DTNA: variants seen among roughly 807,000 people sequenced by gnomAD.
DTNA encodes dystrophin-related protein 3.
A neutral mutation model predicts 100.7 loss-of-function variants in DTNA; 43 were observed. The observed-to-expected ratio is 0.43, with a 90% confidence interval of 0.33 to 0.55. DTNA has a LOEUF of 0.55. Ranked by LOEUF, DTNA falls within the 20% of genes least tolerant of loss-of-function variation. The probability of loss-of-function intolerance (pLI) is 0.04; values close to 1 mark genes in which losing one functional copy is unlikely to be tolerated. For missense variants in DTNA, 798 were observed against 953.9 expected (o/e 0.84, Z 2.15); for synonymous variants, 349 against 347.9 (o/e 1.00, Z -0.04).
rs199662388 is a variant in DTNA at position 34,723,415 on chromosome 18, C to CA, written c.-2+12977dup. On this transcript the variant is annotated intron_variant, in intron 1 of 22. Coordinates refer to ENST00000444659, the MANE Select transcript of DTNA (RefSeq NM_001386795.1). ...TATTATACATAGACGGTATATTTGT[C>CA]AAAAAAAGTTTAATATCCAATCGTA... 7.8e-3 allele frequency among the ~76,000 whole-genome samples: 1,182 copies of CA among 151,780 alleles called. 8 individuals carry two copies. Among genetic ancestry groups the CA allele is most frequent in the African/African-American group, 0.027 (1,106 of 41,398 alleles).
intron 1 of DTNA, among the ~76,000 whole-genome samples, chr18:34,635,271 G>A (rs1385853354): frequency 6.6e-6 from 1 of 152,142 alleles, no homozygotes; most frequent in Non-Finnish European, 1.5e-5. Context: ...ATCTGTGGAT[G>A]TGCACTTAGG....
intron 1 of DTNA, among the ~76,000 whole-genome samples, chr18:34,732,024 C>T (rs2088366560): frequency 1.3e-5 from 2 of 152,160 alleles, no homozygotes; most frequent in Admixed American, 1.3e-4. Context: ...ACTCTCACCA[C>T]CAAATCAGTC....
chr18:34,811,932 TA>T (rs1362094048), intron 5 of DTNA, 26 bp from the exon 6 acceptor site: 8 of 1,613,344 alleles, frequency 5.0e-6, no homozygotes, highest in Admixed American at 1.7e-5. Context: ...ATGTGATGAA[TA>T]ATATCTTTCC....
At chr18:34,859,699 C>G (rs2096594590) in intron 16 of DTNA, among the ~76,000 whole-genome samples, 1 of 151,748 alleles carries the variant, frequency 6.6e-6, no homozygotes, top group Non-Finnish European at 1.5e-5. Flanking sequence ...GAAGTCAGTA[C>G]AAATCGTCCT....
At chr18:34,692,400 A>C (rs1195331688) in intron 1 of DTNA, among the ~76,000 whole-genome samples, 1 of 152,172 alleles carries the variant, frequency 6.6e-6, no homozygotes, top group Non-Finnish European at 1.5e-5. Context: ...GAGAAAAAAA[A>C]CTAGGGTTCC....
At chr18:34,636,398 A>C (rs774496020) in intron 1 of DTNA, among the ~76,000 whole-genome samples, 7 of 152,198 alleles carry the variant, frequency 4.6e-5, no homozygotes, top group African/African-American at 9.7e-5. Flanking sequence ...TACAGGCATA[A>C]ACTGTAATCC....
chr18:34,693,746 C>CTGTG (rs34072179), intron 1 of DTNA, among the ~76,000 whole-genome samples: 2,916 of 143,154 alleles, frequency 0.02, 38 homozygotes, highest in African/African-American at 0.036. Context: ...CTTGTGTGCA[C>CTGTG]TGTGTGTGTG....
At chr18:34,704,060 C>T (rs2081779418) in intron 1 of DTNA, among the ~76,000 whole-genome samples, 1 of 152,122 alleles carries the variant, frequency 6.6e-6, no homozygotes, top group South Asian at 2.1e-4. Flanking sequence ...TTCTAACTTG[C>T]TTTATTTTCT....
intron 10 of DTNA, 25 bp downstream of exon 10, chr18:34,827,701 T>C (rs966038348): frequency 1.2e-6 from 2 of 1,606,642 alleles, no homozygotes; most frequent in Non-Finnish European, 1.7e-6. Flanking sequence ...TATTATAAAA[T>C]AAGCCCTTTC....
At chr18:34,608,507 C>T (rs1019079816) in intron 1 of DTNA, among the ~76,000 whole-genome samples, 2 of 142,188 alleles carry the variant, frequency 1.4e-5, no homozygotes, top group African/African-American at 2.8e-5. Context: ...CAAAAGTATT[C>T]GTTAGGTTTT....
At chr18:34,582,830 G>C (rs1246088151) in intron 1 of DTNA, among the ~76,000 whole-genome samples, 1 of 152,164 alleles carries the variant, frequency 6.6e-6, no homozygotes, top group Non-Finnish European at 1.5e-5. Flanking sequence ...AAACTAGTAT[G>C]TAAAATGATT....
At chr18:34,624,083 G>C (rs564826265) in intron 1 of DTNA, among the ~76,000 whole-genome samples, 1 of 152,080 alleles carries the variant, frequency 6.6e-6, no homozygotes. Context: ...GACTGTCCAA[G>C]TCTATGAAAA....
chr18:34,621,714 TAGAA>T (rs1398088815), intron 1 of DTNA, among the ~76,000 whole-genome samples: 1 of 152,102 alleles, frequency 6.6e-6, no homozygotes, highest in African/African-American at 2.4e-5. Context: ...ACATTTCACT[TAGAA>T]AGGAGGAATA....
intron 14 of DTNA, among the ~76,000 whole-genome samples, chr18:34,849,231 A>G (rs565242112): frequency 6.6e-6 from 1 of 152,356 alleles, no homozygotes; most frequent in African/African-American, 2.4e-5. Context: ...CAAACATGTT[A>G]AAGAAAATTA....
At chr18:34,500,458 T>C (rs1355731645) in intron 1 of DTNA, among the ~76,000 whole-genome samples, 3 of 150,312 alleles carry the variant, frequency 2.0e-5, no homozygotes, top group Non-Finnish European at 4.4e-5. Context: ...TGTATATAGT[T>C]GTTGTTGTTT....
chr18:34,681,730 A>AC (rs1270842993), intron 1 of DTNA, among the ~76,000 whole-genome samples: 1 of 143,292 alleles, frequency 7.0e-6, no homozygotes, highest in African/African-American at 2.7e-5. Flanking sequence ...ACACACACAC[A>AC]CCCCACACAC....
At chr18:34,532,686 C>T (rs1021812824) in intron 1 of DTNA, among the ~76,000 whole-genome samples, 23 of 152,116 alleles carry the variant, frequency 1.5e-4, no homozygotes, top group African/African-American at 5.5e-4. Flanking sequence ...AAATCACCAG[C>T]TCACTTGGCT....
intron 6 of DTNA, among the ~76,000 whole-genome samples, chr18:34,813,068 G>A (rs999865802): frequency 6.6e-6 from 1 of 152,188 alleles, no homozygotes; most frequent in East Asian, 1.9e-4. Context: ...CTCTGGTCAT[G>A]TAGAGAGACT....
chr18:34,858,532 G>GT, intron 16 of DTNA, 134 bp downstream of exon 16: 1 of 824,104 alleles, frequency 1.2e-6, no homozygotes, highest in Non-Finnish European at 2.0e-6. Flanking sequence ...TAGCACACAC[G>GT]TAATTGCTGA....
Sources: allele counts gnomAD v4.1 joint callset (sites outside exome capture counted in the v4.1 genomes callset), GRCh38; gene constraint gnomAD v4.1.1; transcripts MANE v1.5; gene names NCBI Gene and HGNC (gene_info 2026-07-23, HGNC 2026-07-21).